Variants in SCN4A observed in about 807,000 individuals in gnomAD.
The protein encoded by SCN4A is sodium channel protein type 4 subunit alpha.
In SCN4A, 83 loss-of-function variants were observed where a neutral mutation model predicts 162.0. The ratio of observed to expected loss-of-function variants is 0.51; its 90% CI spans 0.43 to 0.61. The LOEUF (loss-of-function observed/expected upper bound fraction) is 0.61. Ranked by LOEUF, SCN4A falls within the 20% of genes least tolerant of loss-of-function variation. The pLI is 0.00. For missense variants in SCN4A, 2,196 were observed against 2,462.5 expected (o/e 0.89, Z 2.29); for synonymous variants, 944 against 985.1 (o/e 0.96, Z 0.78).
intron 10 of SCN4A, among the ~76,000 whole-genome samples, chr17:63,962,158 T>C (rs1369238544): frequency 1.3e-5 from 2 of 152,204 alleles, no homozygotes; most frequent in African/African-American, 4.8e-5. Flanking sequence ...GCTGCGAGCC[T>C]GGCCTGTGAG....
At chr17:63,963,077 C>T (rs865957493) in intron 10 of SCN4A, among the ~76,000 whole-genome samples, 3 of 142,456 alleles carry the variant, frequency 2.1e-5, no homozygotes, top group African/African-American at 9.1e-5. Context: ...CCCTCCCTCT[C>T]ATCCATCCAT....
rs754110462 is a variant in SCN4A at position 63,951,826 on chromosome 17, G to C, written c.2451C>G (p.Gly817=). 3 of 1,576,620 alleles carry C rather than the reference G, an allele frequency of 1.9e-6. No individual in the cohort carries two copies. The highest frequency in any genetic ancestry group is 1.3e-5 in the African/African-American group (1 of 74,158). ...TGGCAATCTGCAGGTTGTTCATCTCGCCATCCTCATCCGAGGCTGCCAGAC... is the reference window on the plus strand; with the variant it reads ...TGGCAATCTGCAGGTTGTTCATCTCCCCATCCTCATCCGAGGCTGCCAGAC... The part of the protein sequence containing the change: ...ADSLAASDED[G]EMNNLQIAIG... The change falls in exon 14 of 24, where the codon GGC becomes GGG. Residue 817 remains glycine, a synonymous_variant. Coordinates refer to ENST00000435607, the MANE Select transcript of SCN4A (RefSeq NM_000334.4). The surrounding 1 kb of genome is among the most constrained non-coding windows in gnomAD (Gnocchi z 4.5).
chr17:63,962,812 G>A (rs1442781920), intron 10 of SCN4A, among the ~76,000 whole-genome samples: 1 of 152,074 alleles, frequency 6.6e-6, no homozygotes, highest in Non-Finnish European at 1.5e-5. Flanking sequence ...TCCCAGGAAC[G>A]GCAGGGTGGA....
At position 63,940,835 on chromosome 17, in the gene SCN4A, G is replaced by T; in HGVS notation, c.5447C>A (p.Ala1816Asp). ...GLMPISPSDT[A>D]WPPAPPPGQT... ...CCCTGGGGGAGGGGCGGGAGGCCAG[G>T]CAGTGTCTGAGGGGCTGATGGGCAT... Residue 1816 changes from alanine (A) to aspartate (D), a missense_variant, in exon 24 of 24, where the codon GCC becomes GAC. Ala to Asp is a moderately radical substitution (Grantham distance 126). Transcript: ENST00000435607. 6.2e-7 allele frequency: 1 copy of T among 1,609,238 alleles called. No homozygotes were observed. Among genetic ancestry groups the T allele is most frequent in the Non-Finnish European group, 8.5e-7 (1 of 1,176,844 alleles).
chr17:63,969,054 G>T (rs914923735), intron 5 of SCN4A, among the ~76,000 whole-genome samples: 6 of 152,134 alleles, frequency 3.9e-5, no homozygotes, highest in Non-Finnish European at 5.9e-5. Flanking sequence ...TGTTGGACAG[G>T]CTGGTCTCGA....
rs760441464 is a variant in SCN4A, at chr17:63,959,409, C to G, written c.1875G>C (p.Met625Ile). The G allele has an allele frequency of 1.9e-6, 3 of 1,613,914 alleles. No homozygotes were observed. Among genetic ancestry groups the G allele is most frequent in the Non-Finnish European group, 2.5e-6 (3 of 1,179,832 alleles). The change falls in exon 12 of 24, where the codon ATG (methionine) becomes ATC (isoleucine). Residue 625 changes from methionine to isoleucine, a missense_variant. Met to Ile is a conservative substitution (Grantham distance 10). Transcript: ENST00000435607. ...LVFTGIFTAE[M>I]VLKLIAMDPY... is the part of the protein sequence containing the mutation. ...GGTCCATGGCAATCAGCTTCAGAACCATCTCTGCTGTGAAGATGCCTGTGA... is the reference window on the plus strand; with the variant it reads ...GGTCCATGGCAATCAGCTTCAGAACGATCTCTGCTGTGAAGATGCCTGTGA...
At chr17:63,946,362 G>T (rs188321098) in intron 18 of SCN4A, among the ~76,000 whole-genome samples, 8 of 152,184 alleles carry the variant, frequency 5.3e-5, no homozygotes, top group Admixed American at 4.6e-4. Context: ...GGGCCGCTTG[G>T]GGGGGCTCGC....
rs753010557 is a variant in SCN4A, at chr17:63,964,627, G to A, written c.1293C>T (p.Ile431=). ...TGATGAGGTAGAAAGAGCCCAGGAA[G>A]ATGATGACCACGAAGAAGATCATGT... The part of the protein sequence containing the change: ...KTYMIFFVVI[I]FLGSFYLINL... The change falls in exon 9 of 24, where the codon ATC becomes ATT. Residue 431 remains isoleucine (I), a synonymous_variant. Transcript: ENST00000435607. The A allele has an allele frequency of 8.1e-6, 13 of 1,613,090 alleles. No individual in the cohort carries two copies. The South Asian group carries it at 1.2e-4, about 15-fold the overall frequency.
At chr17:63,965,480 C>T (rs549306931) in intron 8 of SCN4A, among the ~76,000 whole-genome samples, 95 of 151,894 alleles carry the variant, frequency 6.3e-4, no homozygotes, top group South Asian at 3.1e-3. Context: ...GTATGGGCAA[C>T]ATCGAATTTC....
intron 16 of SCN4A, 47 bp from the exon 17 acceptor site, chr17:63,948,110 G>T: frequency 2.0e-6 from 3 of 1,525,068 alleles, no homozygotes; most frequent in Non-Finnish European, 2.7e-6. Context: ...AGCAGGCTGG[G>T]GTGGCAGCCA....
chr17:63,951,530 T>C lies in SCN4A; in HGVS notation c.2747A>G (p.Asn916Ser), dbSNP rs767053007. The C allele has an allele frequency of 2.5e-6, 4 of 1,613,906 alleles. No individual in the cohort carries two copies. The Admixed American group carries it at 5.0e-5, about 20-fold the overall frequency. Reference protein sequence around the residue: ...SLELDHLNFINNPYLTIQVPI... With the variant: ...SLELDHLNFISNPYLTIQVPI... ...CACCTGTATGGTCAGGTAGGGGTTG[T>C]TGATGAAGTTAAGGTGGTCCAGCTC... The change falls in exon 14 of 24, where the codon AAC becomes AGC. Residue 916 changes from asparagine to serine, a missense_variant. Physicochemically the swap from Asn to Ser is conservative, Grantham distance 46. Coordinates refer to ENST00000435607, the MANE Select transcript of SCN4A (RefSeq NM_000334.4). The surrounding 1 kb of genome is among the most constrained non-coding windows in gnomAD (Gnocchi z 4.5).
At position 63,948,660 on chromosome 17, in the gene SCN4A, C is replaced by G. The variant is rs1237305935; in HGVS notation, c.3095G>C (p.Trp1032Ser). 3 of 1,613,898 alleles carry G rather than the reference C, an allele frequency of 1.9e-6. No individual in the cohort carries two copies. The highest frequency in any genetic ancestry group is 2.5e-6 in the Non-Finnish European group (3 of 1,179,882). ...CATGAAGACAATGAAGGTCTCGAAC[C>G]AGTTGTGCTCGACAATCTTGAAGCA... ...RACFKIVEHN[W>S]FETFIVFMIL... is the part of the protein sequence containing the mutation. The change falls in exon 16 of 24, where the codon TGG (tryptophan) becomes TCG (serine). Residue 1032 changes from tryptophan (W) to serine (S), a missense_variant. Transcript: ENST00000435607.
At position 63,952,267 on chromosome 17, in the gene SCN4A, G is replaced by A. The variant is rs192958756; in HGVS notation, c.2377-367C>T. On this transcript the variant is annotated intron_variant, in intron 13 of 23. Coordinates refer to ENST00000435607, the MANE Select transcript of SCN4A (RefSeq NM_000334.4). ...AGACTCCGGGCTGGAGTGCTGTGGC[G>A]CGATTTCGGCTCACGGCAACCTCCA... Among the ~76,000 whole-genome samples, 384 of 151,578 alleles carry A rather than the reference G, an allele frequency of 2.5e-3. 3 individuals are homozygous for A. The highest frequency in any genetic ancestry group is 8.4e-3 in the African/African-American group (348 of 41,262).
At chr17:63,962,284 C>T (rs1028524864) in intron 10 of SCN4A, among the ~76,000 whole-genome samples, 2 of 152,204 alleles carry the variant, frequency 1.3e-5, no homozygotes, top group South Asian at 2.1e-4. Flanking sequence ...ACAGATCCCT[C>T]GGGGATGCAC....
In SCN4A at chr17:63,951,703, G is replaced by A. The variant is rs184107335; in HGVS notation, c.2574C>T (p.Leu858=). 1.4e-5 allele frequency: 23 copies of A among 1,597,728 alleles called. No homozygotes were observed. The highest frequency in any genetic ancestry group is 8.0e-5 in the African/African-American group (6 of 74,694). ...CCTCCCCGGCCCCGTCAGCCTCCCC[G>A]AGGCTGAGCATGATGTCCTTGGGGC... ...ILSPKDIMLS[L]GEADGAGEAG... The change falls in exon 14 of 24, where the codon CTC becomes CTT. Residue 858 remains leucine (L), a synonymous_variant. Coordinates refer to ENST00000435607, the MANE Select transcript of SCN4A (RefSeq NM_000334.4). This position sits in a 1 kb window ranked among gnomAD's most constrained non-coding sequence, Gnocchi z 4.5.
Position 63,972,617 on chromosome 17 carries a change from G to A in SCN4A, c.225C>T (p.Val75=). 2 of 1,606,400 alleles carry A rather than the reference G, an allele frequency of 1.2e-6. No homozygotes were observed. The highest frequency in any genetic ancestry group is 1.7e-6 in the Non-Finnish European group (2 of 1,176,368). Residue 75 remains valine, a synonymous_variant, in exon 1 of 24, where the codon GTC becomes GTT. Coordinates refer to ENST00000435607, the MANE Select transcript of SCN4A (RefSeq NM_000334.4). This position sits in a 1 kb window ranked among gnomAD's most constrained non-coding sequence, Gnocchi z 4.3. ...PMIYGDPPPE[V]IGIPLEDLDP... Reference sequence around the variant, plus strand: ...CCAGGTCCTCCAGGGGGATGCCGATGACCTCCGGCGGGGGGTCTCCGTAGA... The same window carrying A: ...CCAGGTCCTCCAGGGGGATGCCGATAACCTCCGGCGGGGGGTCTCCGTAGA...
chr17:63,947,355 C>T (rs1908759100), intron 17 of SCN4A, among the ~76,000 whole-genome samples, 188 bp from the exon 18 acceptor site: 1 of 152,214 alleles, frequency 6.6e-6, no homozygotes, highest in Admixed American at 6.5e-5. Flanking sequence ...GAGCCTGGCA[C>T]CACCTCAGTG....
chr17:63,942,911 C>T lies in SCN4A; in HGVS notation c.4203G>A (p.Val1401=). 6.2e-7 allele frequency: 1 copy of T among 1,613,994 alleles called. No individual in the cohort carries two copies. Among genetic ancestry groups the T allele is most frequent in the Non-Finnish European group, 8.5e-7 (1 of 1,179,874 alleles). ...IFIIIFTGEC[V]LKMLALRQYY... ...ACTGGCGCAGGGCGAGCATCTTGAG[C>T]ACGCACTCCCCTGTGAAGATGATGA... The change falls in exon 23 of 24, where the codon GTG becomes GTA. Residue 1401 remains valine (V), a synonymous_variant. Coordinates refer to ENST00000435607, the MANE Select transcript of SCN4A (RefSeq NM_000334.4).
At chr17:63,946,623 T>C (rs1407123969) in intron 18 of SCN4A, among the ~76,000 whole-genome samples, 3 of 151,832 alleles carry the variant, frequency 2.0e-5, no homozygotes, top group African/African-American at 7.3e-5. Context: ...AGAGCCAGGG[T>C]GCAGGCACCT....
Sources: gnomAD v4.1 joint callset for allele counts (sites outside exome capture counted in the v4.1 genomes callset) on GRCh38, gnomAD v4.1.1 for gene constraint, Gnocchi (gnomAD v3.1) non-coding constraint, MANE v1.5 for transcripts, NCBI Gene and HGNC (gene_info 2026-07-23, HGNC 2026-07-21) for gene names.